The following MGST1 variants were observed in gnomAD, a reference collection of about 807,000 sequenced individuals.
The protein encoded by MGST1 is glutathione S-transferase 12.
MGST1 carries 5 observed loss-of-function variants against 8.9 expected under a neutral mutation model. The ratio of observed to expected loss-of-function variants is 0.56; its 90% confidence interval spans 0.29 to 1.19. The LOEUF is 1.19. Ranked by LOEUF, MGST1 falls within the 50% of genes most tolerant of loss-of-function variation. The probability of loss-of-function intolerance (pLI) is 0.08; values close to 1 mark genes in which losing one functional copy is unlikely to be tolerated. For synonymous variants in MGST1, 54 were observed against 67.8 expected (o/e 0.80, Z 1.00); for missense variants, 182 against 187.4 (o/e 0.97, Z 0.17).
At chr12:16,523,644 A>G (rs1429456543) in intron 4 of MGST1, among the ~76,000 whole-genome samples, 1 of 152,102 alleles carries the variant, frequency 6.6e-6, no homozygotes, top group Non-Finnish European at 1.5e-5. Flanking sequence ...CAATATCTCT[A>G]AAAAATGACT....
rs1441398897 is a variant in MGST1 at position 16,389,092 on chromosome 12, G to GC, written n.778+5489dup. Among the ~76,000 whole-genome samples, 2 of 152,188 alleles carry GC rather than the reference G, an allele frequency of 1.3e-5. No individual in the cohort carries two copies. Among genetic ancestry groups the GC allele is most frequent in the African/African-American group, 4.8e-5 (2 of 41,456 alleles). On this transcript the variant is annotated intron_variant and non_coding_transcript_variant, in intron 1 of 1. Transcript: ENST00000359720. This position sits in a 1 kb window ranked among gnomAD's most constrained non-coding sequence, Gnocchi z 4.6. The stretch of plus-strand genomic sequence containing the variant: ...GCGTATCTGAAGACAAATACAGGTG[G>GC]CATAGGGATGGTAAATACCTTGCAC...
chr12:16,420,697 G>T (rs1049111441), intron 1 of MGST1, among the ~76,000 whole-genome samples: 3 of 152,116 alleles, frequency 2.0e-5, no homozygotes, highest in African/African-American at 4.8e-5. Flanking sequence ...GATTGGATAT[G>T]GGGAGCTGTC....
intron 1 of MGST1, among the ~76,000 whole-genome samples, chr12:16,419,268 T>C (rs542734745): frequency 1.1e-3 from 162 of 150,512 alleles, no homozygotes; most frequent in Non-Finnish European, 2.0e-3. Context: ...GCCTACCTCT[T>C]CTTAAAATAC....
chr12:16,580,296 C>T (rs2137529399), intron 4 of MGST1, among the ~76,000 whole-genome samples: 1 of 152,222 alleles, frequency 6.6e-6, no homozygotes, highest in African/African-American at 2.4e-5. Context: ...TTTAAAGCAA[C>T]TTCTGTTTTA....
rs142143772 is a variant in MGST1, at chr12:16,400,806, TTA to T, written n.778+17204_778+17205del. 3.4e-3 allele frequency: 4,245 copies of T among 1,239,902 alleles called. 118 individuals carry two copies. The African/African-American group carries it at 0.055, about 16-fold the overall frequency. 76.8% of individuals were successfully genotyped at this position (1,239,902 alleles called of 1,614,324 possible). On this transcript the variant is annotated intron_variant and non_coding_transcript_variant, in intron 1 of 1. Transcript: ENST00000359720. Reference sequence around the variant, plus strand: ...GGTGTTGCAATGCCAAACACAGGCATTATTACAGTCTCATATTTCTTATCGAT... The same window carrying T: ...GGTGTTGCAATGCCAAACACAGGCATTTACAGTCTCATATTTCTTATCGAT...
intron 4 of MGST1, among the ~76,000 whole-genome samples, chr12:16,524,850 G>A (rs16912000): frequency 0.14 from 21,711 of 151,882 alleles, 1,719 homozygotes; most frequent in African/African-American, 0.2. Context: ...AAATAGCTAG[G>A]ATACCTAATG....
chr12:16,582,179 T>C lies in MGST1; in HGVS notation n.483-7349T>C, dbSNP rs1943181767. ...TGGTTTCTTCCTGTTTCTCTTTATT[T>C]GGAAGTTTTGAAATGGCTGAATTTT... On this transcript the variant is annotated intron_variant and non_coding_transcript_variant, in intron 4 of 4. Transcript: ENST00000538857. This position sits in a 1 kb window ranked among gnomAD's most constrained non-coding sequence, Gnocchi z 4.1. Among the ~76,000 whole-genome samples the C allele has an allele frequency of 6.6e-6, 1 of 152,198 alleles. No homozygotes were observed. The highest frequency in any genetic ancestry group is 1.5e-5 in the Non-Finnish European group (1 of 68,016).
At chr12:16,534,444 T>C (rs1941742207) in intron 4 of MGST1, among the ~76,000 whole-genome samples, 1 of 152,160 alleles carries the variant, frequency 6.6e-6, no homozygotes, top group Non-Finnish European at 1.5e-5. Flanking sequence ...ACTAGGTGCA[T>C]TTCTAATGTG....
At chr12:16,568,678 C>T (rs181942658) in intron 4 of MGST1, among the ~76,000 whole-genome samples, 27 of 152,304 alleles carry the variant, frequency 1.8e-4, no homozygotes, top group East Asian at 5.8e-4. Flanking sequence ...GCATTAAATA[C>T]GTTGTTTAAA....
At chr12:16,399,450 T>A in intron 1 of MGST1, 2 of 1,545,914 alleles carry the variant, frequency 1.3e-6, no homozygotes, top group Non-Finnish European at 1.8e-6. Context: ...GGCTTCTTCC[T>A]CCAGTTCATC....
chr12:16,426,596 A>G (rs2041887), intron 1 of MGST1, among the ~76,000 whole-genome samples: 74,170 of 151,986 alleles, frequency 0.49, 18,208 homozygotes, highest in Non-Finnish European at 0.52. Context: ...ATTCCATTTC[A>G]CTACATGCAT....
chr12:16,447,049 AC>A (rs1941085905), intron 4 of MGST1, among the ~76,000 whole-genome samples: 1 of 151,854 alleles, frequency 6.6e-6, no homozygotes, highest in Non-Finnish European at 1.5e-5. Context: ...TGCCATAGCA[AC>A]TCAAGTAATG....
intron 3 of MGST1, among the ~76,000 whole-genome samples, chr12:16,375,465 G>A (rs984024995): frequency 3.9e-5 from 6 of 152,086 alleles, no homozygotes; most frequent in African/African-American, 1.4e-4. Flanking sequence ...ACTATCCGAA[G>A]TGGTCTTAAA....
intron 4 of MGST1, among the ~76,000 whole-genome samples, chr12:16,565,727 C>T (rs1377231248): frequency 6.6e-6 from 1 of 151,698 alleles, no homozygotes; most frequent in African/African-American, 2.4e-5. Context: ...AAAAGGAACA[C>T]TGACACTCTG....
intron 4 of MGST1, among the ~76,000 whole-genome samples, chr12:16,511,822 T>A (rs867169238): frequency 1.1e-4 from 16 of 152,036 alleles, no homozygotes; most frequent in African/African-American, 3.6e-4. Flanking sequence ...GCAAATAGGG[T>A]CACATTTGGA....
chr12:16,524,829 A>G (rs1424310853), intron 4 of MGST1, among the ~76,000 whole-genome samples: 1 of 152,080 alleles, frequency 6.6e-6, no homozygotes, highest in African/African-American at 2.4e-5. Flanking sequence ...ATTATATATT[A>G]GTCTTGAAAT....
intron 4 of MGST1, among the ~76,000 whole-genome samples, chr12:16,570,693 C>T (rs960258606): frequency 6.6e-6 from 1 of 152,152 alleles, no homozygotes; most frequent in African/African-American, 2.4e-5. Flanking sequence ...TTGGTGTAAT[C>T]TGGACTGCAA....
intron 4 of MGST1, among the ~76,000 whole-genome samples, chr12:16,466,615 TAGGTA>T (rs1018925132): frequency 6.6e-6 from 1 of 152,142 alleles, no homozygotes; most frequent in African/African-American, 2.4e-5. Context: ...TGGTCTTGGA[TAGGTA>T]AGGTAAAGGG....
chr12:16,525,295 C>G (rs1230280613), intron 4 of MGST1, among the ~76,000 whole-genome samples: 1 of 124,746 alleles, frequency 8.0e-6, no homozygotes, highest in African/African-American at 3.0e-5. Flanking sequence ...TCCCTCCCCC[C>G]TCCCCCCACC....
Sources: gnomAD v4.1 joint callset for allele counts (sites outside exome capture counted in the v4.1 genomes callset) on GRCh38, gnomAD v4.1.1 for gene constraint, Gnocchi (gnomAD v3.1) non-coding constraint, MANE v1.5 for transcripts, NCBI Gene and HGNC (gene_info 2026-07-23, HGNC 2026-07-21) for gene names.